Variants in G3BP2 observed in about 807,000 individuals in gnomAD.
The protein encoded by G3BP2 is ras GTPase-activating protein-binding protein 2.
A neutral mutation model predicts 56.7 loss-of-function variants in G3BP2; 11 were observed. The ratio of observed to expected loss-of-function variants is 0.19; its 90% confidence interval spans 0.12 to 0.32. G3BP2 has a LOEUF of 0.32. Among genes scored for constraint, G3BP2 ranks in the 10% least tolerant of loss-of-function variants. The pLI, the probability that G3BP2 is intolerant of heterozygous loss-of-function variation, is 1.00. For missense variants in G3BP2, 340 were observed against 610.9 expected, an observed-to-expected ratio of 0.56 and a Z score of 4.67; for synonymous variants, 165 against 191.6, an observed-to-expected ratio of 0.86 and a Z score of 1.15.
At chr4:75,688,922 T>A (rs1033334371) in intron 3 of G3BP2, among the ~76,000 whole-genome samples, 2 of 152,224 alleles carry the variant, frequency 1.3e-5, no homozygotes, top group Non-Finnish European at 2.9e-5. Flanking sequence ...GAAGACATAT[T>A]CTTACATTTC....
At chr4:75,663,001 A>G (rs1161339930) in intron 1 of G3BP2, among the ~76,000 whole-genome samples, 2 of 152,206 alleles carry the variant, frequency 1.3e-5, no homozygotes, top group East Asian at 3.9e-4. Context: ...TTCAGTACTT[A>G]GAGAGAATCA....
chr4:75,716,791 A>C (rs1201876453), intron 3 of G3BP2, among the ~76,000 whole-genome samples: 1 of 152,204 alleles, frequency 6.6e-6, no homozygotes, highest in Non-Finnish European at 1.5e-5. Flanking sequence ...CTGGGATTAC[A>C]GGCGTGAGCC....
At chr4:75,693,349 A>G (rs1718950278) in intron 3 of G3BP2, among the ~76,000 whole-genome samples, 2 of 152,222 alleles carry the variant, frequency 1.3e-5, no homozygotes, top group South Asian at 4.1e-4. Context: ...ACTGTTCCAC[A>G]TGGAACCAAT....
chr4:75,682,753 G>A (rs556824355), intron 3 of G3BP2, among the ~76,000 whole-genome samples: 4 of 151,922 alleles, frequency 2.6e-5, no homozygotes, highest in Admixed American at 6.6e-5. Context: ...AGGCCAAGGC[G>A]GGCAGATCAC....
At chr4:75,713,571 C>T (rs114917828) in intron 3 of G3BP2, among the ~76,000 whole-genome samples, 3,680 of 152,152 alleles carry the variant, frequency 0.024, 141 homozygotes, top group African/African-American at 0.084. Context: ...TGCTTTAGGC[C>T]AGGAGTTCAA....
At chr4:75,722,430 C>G (rs960245418) in intron 1 of G3BP2, among the ~76,000 whole-genome samples, 3 of 152,132 alleles carry the variant, frequency 2.0e-5, no homozygotes, top group Admixed American at 1.3e-4. Flanking sequence ...GCTAAAATGT[C>G]AAGGCACTCT....
intron 3 of G3BP2, among the ~76,000 whole-genome samples, chr4:75,719,714 C>G (rs1464465611): frequency 6.6e-6 from 1 of 151,924 alleles, no homozygotes; most frequent in Non-Finnish European, 1.5e-5. Context: ...CTCAGCCTCC[C>G]GAGTAGCTAG....
At chr4:75,673,423 T>A, upstream of G3BP2, 1 of 1,231,328 alleles carries the variant, frequency 8.1e-7, no homozygotes, top group Non-Finnish European at 1.0e-6. Flanking sequence ...CCCGCCCCCT[T>A]TGCCACCGCC....
intron 3 of G3BP2, among the ~76,000 whole-genome samples, chr4:75,704,085 C>T (rs1462146084): frequency 1.4e-5 from 2 of 147,246 alleles, no homozygotes; most frequent in Non-Finnish European, 1.5e-5. Context: ...GTGGTGTGGT[C>T]TTGGCTCACT....
At chr4:75,695,145 C>G (rs956345635) in intron 3 of G3BP2, among the ~76,000 whole-genome samples, 1 of 152,056 alleles carries the variant, frequency 6.6e-6, no homozygotes, top group Non-Finnish European at 1.5e-5. Flanking sequence ...ATTTCAGGGC[C>G]TAAACAAAAA....
intron 6 of G3BP2, 127 bp from the exon 7 acceptor site, chr4:75,655,373 A>C: frequency 2.8e-6 from 2 of 704,688 alleles, no homozygotes; most frequent in Non-Finnish European, 4.8e-6. Flanking sequence ...AAAGTATTCA[A>C]AGCAAAATTC....
chr4:75,647,515 G>GTT (rs1355152129), intron 9 of G3BP2, among the ~76,000 whole-genome samples: 1 of 152,110 alleles, frequency 6.6e-6, no homozygotes, highest in African/African-American at 2.4e-5. Flanking sequence ...TATTTGCTTA[G>GTT]TTTTTTGAAA....
intron 3 of G3BP2, among the ~76,000 whole-genome samples, chr4:75,714,591 G>A (rs375478110): frequency 3.9e-5 from 6 of 152,106 alleles, no homozygotes; most frequent in African/African-American, 1.4e-4. Context: ...TCGCACCACC[G>A]CACTCCAGCC....
chr4:75,704,314 CTGTT>C (rs1386707211), intron 3 of G3BP2, among the ~76,000 whole-genome samples: 2 of 151,800 alleles, frequency 1.3e-5, no homozygotes, highest in Non-Finnish European at 2.9e-5. Context: ...CCCGCCGGAC[CTGTT>C]TGTTTGGTTT....
At chr4:75,720,981 A>C (rs992197766) in intron 2 of G3BP2, among the ~76,000 whole-genome samples, 3 of 147,648 alleles carry the variant, frequency 2.0e-5, no homozygotes, top group Non-Finnish European at 1.5e-5. Context: ...TACAAAAAAA[A>C]AAAAAAAAAA....
chr4:75,687,535 C>T (rs1027611937), intron 3 of G3BP2, among the ~76,000 whole-genome samples: 1 of 152,178 alleles, frequency 6.6e-6, no homozygotes, highest in Non-Finnish European at 1.5e-5. Context: ...CTAAAAGAAT[C>T]ACAGCAGAAG....
rs896829744 is a variant in G3BP2 at position 75,657,025 on chromosome 4, C to T, written c.352-11G>A. On this transcript the variant is annotated splice_polypyrimidine_tract_variant and intron_variant, in intron 4 of 11. Coordinates refer to ENST00000359707, the MANE Select transcript of G3BP2 (RefSeq NM_203505.3). The stretch of plus-strand genomic sequence containing the variant: ...ATTTGGAACAGATCCCTATAGGAAA[C>T]AACATTTATTCCATAAATATCCAGA... 1.8e-6 allele frequency: 2 copies of T among 1,107,732 alleles called. No homozygotes were observed. Among genetic ancestry groups the T allele is most frequent in the African/African-American group, 1.6e-5 (1 of 63,256 alleles). 68.6% of individuals were successfully genotyped at this position (1,107,732 alleles called of 1,614,324 possible).
At chr4:75,675,924 A>G (rs914938358), upstream of G3BP2, among the ~76,000 whole-genome samples, 2 of 152,220 alleles carry the variant, frequency 1.3e-5, no homozygotes, top group African/African-American at 4.8e-5. Flanking sequence ...TCTCTCTCGC[A>G]TCCTTTAAAA....
chr4:75,681,360 AAGG>A lies in G3BP2; in HGVS notation c.-24-19314_-24-19312del, dbSNP rs150581221. Among the ~76,000 whole-genome samples the A allele has an allele frequency of 9.7e-3, 1,469 of 152,014 alleles. 17 individuals are homozygous for A. The highest frequency in any genetic ancestry group is 0.034 in the African/African-American group (1,394 of 41,476). ...AATAAATAAATATAGTCAAATTCAG[AAGG>A]AGGAGGAAAAGGATATATAGTAGTC... On this transcript the variant is annotated intron_variant, in intron 3 of 3. Transcript: ENST00000499709.
Sources: allele counts gnomAD v4.1 joint callset (sites outside exome capture counted in the v4.1 genomes callset), GRCh38; gene constraint gnomAD v4.1.1; transcripts MANE v1.5; gene names NCBI Gene and HGNC (gene_info 2026-07-23, HGNC 2026-07-21).